Variants in GBP5 observed in about 807,000 individuals in gnomAD.
The protein encoded by GBP5 is guanylate-binding protein 5.
GBP5 carries 48 observed loss-of-function variants against 58.2 expected under a neutral mutation model. That is an observed-to-expected ratio of 0.83 (90% CI 0.65 to 1.05). The LOEUF (loss-of-function observed/expected upper bound fraction) is 1.05, where lower values mean the gene tolerates loss of function less well. Among genes scored for constraint, GBP5 ranks in the 50% least tolerant of loss-of-function variants. GBP5 has a pLI of 0.00. For synonymous variants in GBP5, 248 were observed against 251.8 expected (o/e 0.98, Z 0.14); for missense variants, 714 against 686.8 (o/e 1.04, Z -0.44).
At chr1:89,270,094 C>G (rs1473771404) in intron 2 of GBP5, 16 of 152,166 alleles carry the variant, frequency 1.1e-4, no homozygotes, top group Non-Finnish European at 4.4e-5. Context: ...CTGTTTGCTT[C>G]TTAGTGATAT....
In GBP5 at chr1:89,256,542, CAG is replaced by C. The variant is rs1307709839; in HGVS notation, c.*4160_*4161del. Among the ~76,000 whole-genome samples, 3 of 151,994 alleles carry C rather than the reference CAG, an allele frequency of 2.0e-5. No individual in the cohort carries two copies. The highest frequency in any genetic ancestry group is 1.9e-4 in the East Asian group (1 of 5,198). ...TGTCACATTTAATAATTTTGAAAAA[CAG>C]AGAATGGGATGTAACTAACTAAAAT... On this transcript the variant is annotated 3_prime_UTR_variant, in exon 12 of 12. Coordinates refer to ENST00000370459, the MANE Select transcript of GBP5 (RefSeq NM_052942.5).
rs755804822 is a variant in GBP5, at chr1:89,269,355, G to T, written c.190+11C>A. 2 of 1,613,104 alleles carry T rather than the reference G, an allele frequency of 1.2e-6. No individual in the cohort carries two copies. The highest frequency in any genetic ancestry group is 2.7e-5 in the African/African-American group (2 of 74,964). On this transcript the variant is annotated intron_variant, in intron 3 of 11. Coordinates refer to ENST00000370459, the MANE Select transcript of GBP5 (RefSeq NM_052942.5). ...AGAAGGGTTTGGCAGAGCTTTGCTG[G>T]TACCACTCACCCTTGTTCTTCCCAG... is the stretch of plus-strand genomic sequence containing the variant.
rs764349155 is a variant in GBP5, at chr1:89,266,512, A to G, written c.702T>C (p.Phe234=). 1.2e-6 allele frequency: 2 copies of G among 1,614,150 alleles called. No homozygotes were observed. Among genetic ancestry groups the G allele is most frequent in the Non-Finnish European group, 1.7e-6 (2 of 1,179,986 alleles). Residue 234 remains phenylalanine (F), a synonymous_variant, in exon 7 of 12, where the codon TTT becomes TTC. Coordinates refer to ENST00000370459, the MANE Select transcript of GBP5 (RefSeq NM_052942.5). Reference sequence around the variant, plus strand: ...TTTGGTGAGCAGGTAAGTCAAAGATAAAGCATTTCTTTTTTGGAAAGAACT... The same window carrying G: ...TTTGGTGAGCAGGTAAGTCAAAGATGAAGCATTTCTTTTTTGGAAAGAACT... ...IQKFFPKKKC[F]IFDLPAHQKK...
rs573105949 is a variant in GBP5 at position 89,259,510 on chromosome 1, G to A, written c.*1194C>T. ...CACTTTACCATTGGTACTTCCCTCT[G>A]ATGGCATCCAGCACACGACCATTAG... On this transcript the variant is annotated 3_prime_UTR_variant, in exon 12 of 12. Coordinates refer to ENST00000370459, the MANE Select transcript of GBP5 (RefSeq NM_052942.5). The A allele has an allele frequency of 6.6e-6, 1 of 152,264 alleles. No homozygotes were observed. The highest frequency in any genetic ancestry group is 2.1e-4 in the South Asian group (1 of 4,822). The allele number at this position is 152,264 out of a possible 1,614,324, so 9.4% of individuals were successfully genotyped here. A position where few individuals can be genotyped will look rare whatever the true frequency, so the allele number is the denominator to read the frequency against.
chr1:89,265,793 G>A (rs898808584), intron 7 of GBP5, among the ~76,000 whole-genome samples: 8 of 146,722 alleles, frequency 5.5e-5, no homozygotes, highest in Non-Finnish European at 1.2e-4. Flanking sequence ...CTTAATGTTT[G>A]TTTGAACTTT....
intron 2 of GBP5, chr1:89,270,243 C>G (rs1048700953): frequency 5.3e-5 from 8 of 152,222 alleles, no homozygotes; most frequent in Admixed American, 5.2e-4. Flanking sequence ...TTCTGAGCAT[C>G]AATCCCTATA....
intron 11 of GBP5, among the ~76,000 whole-genome samples, chr1:89,261,216 A>G (rs1649995733): frequency 6.6e-6 from 1 of 152,254 alleles, no homozygotes; most frequent in Admixed American, 6.5e-5. Context: ...GGGCTGTCCA[A>G]TCTTTACATA....
In GBP5 at chr1:89,263,867, C is replaced by T. The variant is rs774838379; in HGVS notation, c.1231G>A (p.Asp411Asn). 28 of 1,612,620 alleles carry T rather than the reference C, an allele frequency of 1.7e-5. No homozygotes were observed. The highest frequency in any genetic ancestry group is 2.4e-5 in the Non-Finnish European group (28 of 1,179,580). ...SSDYCSALLK[D>N]IFGPLEEAVK... is the part of the protein sequence containing the mutation. ...GCTTCTTCTAGAGGACCAAAAATAT[C>T]CTTAAGTAAAGCCGAGCAATAATCC... Residue 411 changes from aspartate (D) to asparagine (N), a missense_variant, in exon 9 of 12, where the codon GAT becomes AAT. Coordinates refer to ENST00000370459, the MANE Select transcript of GBP5 (RefSeq NM_052942.5).
intron 2 of GBP5, chr1:89,270,474 C>A (rs1392291411): frequency 6.6e-6 from 1 of 152,188 alleles, no homozygotes; most frequent in Non-Finnish European, 1.5e-5. Context: ...TCTTTACTAG[C>A]AAATTTCAAA....
At chr1:89,261,947 C>T (rs1019858257) in intron 11 of GBP5, 7 of 421,004 alleles carry the variant, frequency 1.7e-5, no homozygotes, top group African/African-American at 6.1e-5. Flanking sequence ...CATTTAAACA[C>T]AAATATTAAC....
At chr1:89,267,662 C>T (rs967767035) in intron 4 of GBP5, 136 bp from the exon 5 acceptor site, 24 of 623,224 alleles carry the variant, frequency 3.9e-5, no homozygotes, top group Admixed American at 3.5e-4. Context: ...GAATAGTTCT[C>T]TTGTTAACAT....
chr1:89,269,675 G>GGTT, intron 2 of GBP5, 101 bp from the exon 3 acceptor site: 1 of 690,230 alleles, frequency 1.4e-6, no homozygotes, highest in Non-Finnish European at 2.5e-6. Flanking sequence ...CTACTCCCCA[G>GGTT]CACTGCCTAA....
In GBP5 at chr1:89,258,524, A is replaced by C. The variant is rs183434090; in HGVS notation, c.*2180T>G. 1.3e-3 allele frequency among the ~76,000 whole-genome samples: 200 copies of C among 152,340 alleles called. No individual in the cohort carries two copies. The highest frequency in any genetic ancestry group is 2.4e-3 in the Non-Finnish European group (164 of 68,032). ...CTGGTACCTTCTGAACTTCAGTTCAAATCTAGAAATACTGCTGAGTAGCAC... is the reference window on the plus strand; with the variant it reads ...CTGGTACCTTCTGAACTTCAGTTCACATCTAGAAATACTGCTGAGTAGCAC... On this transcript the variant is annotated 3_prime_UTR_variant, in exon 12 of 12. Coordinates refer to ENST00000370459, the MANE Select transcript of GBP5 (RefSeq NM_052942.5).
chr1:89,264,024 T>A, intron 8 of GBP5, 76 bp from the exon 9 acceptor site: 2 of 950,104 alleles, frequency 2.1e-6, no homozygotes, highest in Non-Finnish European at 3.3e-6. Context: ...TGAAAAAGAA[T>A]CTATATTTTT....
At position 89,263,858 on chromosome 1, in the gene GBP5, CA is replaced by C. The variant is rs761247788; in HGVS notation, c.1239del (p.Phe413LeufsTer4). The C allele has an allele frequency of 6.2e-7, 1 of 1,612,404 alleles. No individual in the cohort carries two copies. The highest frequency in any genetic ancestry group is 8.5e-7 in the Non-Finnish European group (1 of 1,179,148). On this transcript the variant is annotated frameshift_variant, in exon 9 of 12. Coordinates refer to ENST00000370459, the MANE Select transcript of GBP5 (RefSeq NM_052942.5). LOFTEE classifies it high-confidence loss of function. ...DYCSALLKDI[F>X]GPLEEAVKQG... ...TGCTTCACTGCTTCTTCTAGAGGAC[CA>C]AAAATATCCTTAAGTAAAGCCGAGC...
intron 5 of GBP5, 31 bp downstream of exon 5, chr1:89,267,386 T>C (rs950691415): frequency 1.4e-6 from 2 of 1,477,984 alleles, no homozygotes; most frequent in Non-Finnish European, 1.9e-6. Flanking sequence ...TCTGTCGGAC[T>C]TTGGTGCCAT....
chr1:89,265,159 G>A (rs1239767939), intron 7 of GBP5, among the ~76,000 whole-genome samples, 193 bp from the exon 8 acceptor site: 2 of 152,134 alleles, frequency 1.3e-5, no homozygotes, highest in Non-Finnish European at 2.9e-5. Flanking sequence ...CATTCTTTGG[G>A]AAAGGAAACT....
Position 89,264,737 on chromosome 1 carries a change from G to T in GBP5, c.1098C>A (p.Phe366Leu), listed in dbSNP as rs267598756. Residue 366 changes from phenylalanine (F) to leucine (L), a missense_variant, in exon 8 of 12, where the codon TTC becomes TTA. Coordinates refer to ENST00000370459, the MANE Select transcript of GBP5 (RefSeq NM_052942.5). ...CTACATCCTTGAAAGAGTTTTTCAT[G>T]AAGACTTCAATGGCCTCCCTCTCAC... Reference protein sequence around the residue: ...RTSEREAIEVFMKNSFKDVDQ... With the variant: ...RTSEREAIEVLMKNSFKDVDQ... The T allele has an allele frequency of 6.2e-7, 1 of 1,614,170 alleles. No individual in the cohort carries two copies. The highest frequency in any genetic ancestry group is 8.5e-7 in the Non-Finnish European group (1 of 1,180,028).
chr1:89,268,302 A>G (rs188355942), intron 4 of GBP5, among the ~76,000 whole-genome samples: 8 of 152,352 alleles, frequency 5.3e-5, no homozygotes, highest in African/African-American at 1.9e-4. Context: ...TTAAGTAGTG[A>G]GTTGAATAAG....
Sources: gnomAD v4.1 joint callset for allele counts (sites outside exome capture counted in the v4.1 genomes callset) on GRCh38, gnomAD v4.1.1 for gene constraint, MANE v1.5 for transcripts, NCBI Gene and HGNC (gene_info 2026-07-23, HGNC 2026-07-21) for gene names.